The following CAMKMT variants were observed in gnomAD, a reference collection of about 807,000 sequenced individuals.
CAMKMT encodes CaM KMT.
Under a neutral mutation model 48.0 loss-of-function variants are expected in CAMKMT, and 53 were observed. That is an observed-to-expected ratio of 1.10 (90% CI 0.89 to 1.39). The LOEUF (loss-of-function observed/expected upper bound fraction) is 1.39. Among genes scored for constraint, CAMKMT ranks in the 40% most tolerant of loss-of-function variants. The pLI, the probability that CAMKMT is intolerant of heterozygous loss-of-function variation, is 0.00. For missense variants in CAMKMT, 428 were observed against 402.7 expected (o/e 1.06, Z -0.54); for synonymous variants, 165 against 152.3 (o/e 1.08, Z -0.61).
intron 3 of CAMKMT, among the ~76,000 whole-genome samples, chr2:44,434,226 A>T (rs201932661): frequency 1.4e-5 from 2 of 147,232 alleles, no homozygotes; most frequent in Non-Finnish European, 3.0e-5. Flanking sequence ...TTTGTGAGGG[A>T]TTTTTTTTTT....
intron 3 of CAMKMT, among the ~76,000 whole-genome samples, chr2:44,401,840 A>G (rs1400706921): frequency 6.6e-6 from 1 of 152,168 alleles, no homozygotes; most frequent in African/African-American, 2.4e-5. Flanking sequence ...ACCAGCAACA[A>G]GCATCTTGAC....
At chr2:44,474,446 C>CAAAAAA (rs1222971931) in intron 3 of CAMKMT, among the ~76,000 whole-genome samples, 9 of 57,730 alleles carry the variant, frequency 1.6e-4, no homozygotes, top group Non-Finnish European at 1.4e-4. Context: ...GACTCCGTCT[C>CAAAAAA]AAAAAAAAAA....
At chr2:44,429,277 A>ATGTG (rs34628835) in intron 3 of CAMKMT, among the ~76,000 whole-genome samples, 76 of 147,136 alleles carry the variant, frequency 5.2e-4, no homozygotes, top group African/African-American at 1.6e-3. Context: ...GTGTGTGTGT[A>ATGTG]TGTGTGTGTG....
intron 3 of CAMKMT, among the ~76,000 whole-genome samples, chr2:44,546,715 G>A (rs1029730439): frequency 3.3e-5 from 5 of 152,204 alleles, no homozygotes; most frequent in Non-Finnish European, 7.3e-5. Context: ...AGCATAGTCA[G>A]TAGGGGTCAG....
At chr2:44,446,981 G>T (rs1315242458) in intron 3 of CAMKMT, among the ~76,000 whole-genome samples, 1 of 152,158 alleles carries the variant, frequency 6.6e-6, no homozygotes, top group Non-Finnish European at 1.5e-5. Context: ...TGATTACCCA[G>T]GTGTTCTTTA....
At chr2:44,621,253 C>G (rs1259262907) in intron 3 of CAMKMT, among the ~76,000 whole-genome samples, 1 of 109,488 alleles carries the variant, frequency 9.1e-6, no homozygotes, top group African/African-American at 4.4e-5. Context: ...GGCGACAGAG[C>G]GAGACTCCAT....
At chr2:44,414,777 C>G (rs1683436599) in intron 3 of CAMKMT, among the ~76,000 whole-genome samples, 1 of 152,178 alleles carries the variant, frequency 6.6e-6, no homozygotes, top group East Asian at 1.9e-4. Context: ...TGGTAGTTCT[C>G]TAGCTGGCTA....
chr2:44,432,218 C>T (rs1310568973), intron 3 of CAMKMT, among the ~76,000 whole-genome samples: 2 of 152,066 alleles, frequency 1.3e-5, no homozygotes, highest in Non-Finnish European at 2.9e-5. Context: ...GAGAAATGTT[C>T]CAGTGGTCTT....
At chr2:44,770,777 A>G (rs145030228) in intron 10 of CAMKMT, among the ~76,000 whole-genome samples, 398 of 152,262 alleles carry the variant, frequency 2.6e-3, no homozygotes, top group African/African-American at 9.1e-3. Context: ...TAGGCTTAAC[A>G]CTCTCGCTAC....
At chr2:44,482,344 A>T (rs995583795) in intron 3 of CAMKMT, among the ~76,000 whole-genome samples, 5 of 152,168 alleles carry the variant, frequency 3.3e-5, no homozygotes, top group Non-Finnish European at 4.4e-5. Context: ...AATCTTAAAC[A>T]TACACCCAAA....
chr2:44,503,982 G>A (rs1572665379), intron 3 of CAMKMT, among the ~76,000 whole-genome samples: 1 of 58,304 alleles, frequency 1.7e-5, no homozygotes, highest in South Asian at 7.1e-4. Context: ...AAGAGCGGGT[G>A]GGGAGAGAGA....
intron 2 of CAMKMT, among the ~76,000 whole-genome samples, chr2:44,379,692 G>T (rs989050472): frequency 1.1e-4 from 17 of 151,390 alleles, no homozygotes; most frequent in Non-Finnish European, 2.5e-4. Flanking sequence ...ATCTTTTCAT[G>T]TGCTTATTGG....
chr2:44,652,277 T>G (rs1040448978), intron 3 of CAMKMT, among the ~76,000 whole-genome samples: 3 of 152,236 alleles, frequency 2.0e-5, no homozygotes, highest in African/African-American at 7.2e-5. Context: ...CTTTTACTTG[T>G]GTTCTTATAA....
chr2:44,673,507 A>AAGGAAGG (rs1675474476), intron 3 of CAMKMT, among the ~76,000 whole-genome samples: 1 of 143,558 alleles, frequency 7.0e-6, no homozygotes. Context: ...GGAAGGAAGG[A>AAGGAAGG]AGGAAGGAAG....
At chr2:44,692,258 T>TA (rs199863027) in intron 3 of CAMKMT, among the ~76,000 whole-genome samples, 3,901 of 146,640 alleles carry the variant, frequency 0.027, 156 homozygotes, top group East Asian at 0.097. Context: ...TTTTTAATAG[T>TA]AAAAAAAAAA....
At chr2:44,603,118 T>C (rs1013695009) in intron 3 of CAMKMT, among the ~76,000 whole-genome samples, 1 of 152,074 alleles carries the variant, frequency 6.6e-6, no homozygotes, top group Non-Finnish European at 1.5e-5. Flanking sequence ...AGACAGAGAC[T>C]TGCTTTGTCA....
At chr2:44,429,271 GTGTGTA>G (rs1025606547) in intron 3 of CAMKMT, among the ~76,000 whole-genome samples, 35 of 91,030 alleles carry the variant, frequency 3.8e-4, no homozygotes, top group South Asian at 1.2e-3. Flanking sequence ...GTGTGTGTGT[GTGTGTA>G]TGTGTGTGTG....
intron 8 of CAMKMT, 127 bp downstream of exon 8, chr2:44,743,823 A>G (rs1338524278): frequency 1.6e-6 from 1 of 620,414 alleles, no homozygotes; most frequent in Non-Finnish European, 2.9e-6. Context: ...CTTAACCTCA[A>G]CAAATTAATA....
In CAMKMT at chr2:44,390,196, T is replaced by G. The variant is rs565759976; in HGVS notation, c.312-45T>G. The G allele has an allele frequency of 1.2e-4, 177 of 1,490,422 alleles. No individual in the cohort carries two copies. The Middle Eastern group carries it at 6.6e-3, about 55-fold the overall frequency. The allele number at this position is 1,490,422 out of a possible 1,614,324, so 92.3% of individuals were successfully genotyped here. On this transcript the variant is annotated intron_variant, in intron 2 of 10. Transcript: ENST00000378494. ...TCAGCTTTTTTGAATACTAAAAATG[T>G]TAACATTTCAGAATCATTAAAGCAA...
Sources: allele counts gnomAD v4.1 joint callset (sites outside exome capture counted in the v4.1 genomes callset), GRCh38; gene constraint gnomAD v4.1.1; transcripts MANE v1.5; gene names NCBI Gene and HGNC (gene_info 2026-07-23, HGNC 2026-07-21).